The following RGS6 variants were observed in gnomAD, a reference collection of about 807,000 sequenced individuals.
The protein encoded by RGS6 is regulator of G-protein signaling 6.
A neutral mutation model predicts 78.5 loss-of-function variants in RGS6; 30 were observed. The observed-to-expected ratio is 0.38, with a 90% CI of 0.29 to 0.52. The LOEUF is 0.52. RGS6 is among the 20% of genes least tolerant of loss of function. The pLI, the probability that RGS6 is intolerant of heterozygous loss-of-function variation, is 0.85. For synonymous variants in RGS6, 206 were observed against 206.0 expected (o/e 1.00, Z 0.00); for missense variants, 495 against 609.7 (o/e 0.81, Z 1.98).
intron 2 of RGS6, among the ~76,000 whole-genome samples, chr14:72,294,993 TCAG>T (rs1366449816): frequency 6.6e-6 from 1 of 152,146 alleles, no homozygotes; most frequent in Admixed American, 6.5e-5. Flanking sequence ...CATTTTAACA[TCAG>T]AACCCTTTGT....
chr14:72,130,354 GA>G (rs1447136458), intron 2 of RGS6, among the ~76,000 whole-genome samples: 1 of 152,098 alleles, frequency 6.6e-6, no homozygotes, highest in Non-Finnish European at 1.5e-5. Flanking sequence ...CATGATTGAG[GA>G]AATAATTGGC....
At chr14:72,330,981 T>C (rs560125393) in intron 2 of RGS6, among the ~76,000 whole-genome samples, 7 of 152,328 alleles carry the variant, frequency 4.6e-5, no homozygotes, top group African/African-American at 1.4e-4. Context: ...AATCAGTTCC[T>C]CATTGACAAC....
intron 2 of RGS6, among the ~76,000 whole-genome samples, chr14:72,040,638 T>G (rs2092312682): frequency 6.6e-6 from 1 of 152,186 alleles, no homozygotes; most frequent in Admixed American, 6.6e-5. Context: ...TTTCTTGAAT[T>G]TAGATGTTCT....
At chr14:72,232,335 A>G (rs1039200105) in intron 2 of RGS6, among the ~76,000 whole-genome samples, 1 of 152,214 alleles carries the variant, frequency 6.6e-6, no homozygotes, top group Non-Finnish European at 1.5e-5. Flanking sequence ...GGTGGAGGAA[A>G]GCAGCAACGG....
At chr14:72,191,995 C>G (rs2097332222) in intron 2 of RGS6, among the ~76,000 whole-genome samples, 1 of 152,120 alleles carries the variant, frequency 6.6e-6, no homozygotes, top group Non-Finnish European at 1.5e-5. Flanking sequence ...TAGTGTTTGT[C>G]CTTAGAATAC....
chr14:71,938,034 G>T (rs1321029650), intron 1 of RGS6, among the ~76,000 whole-genome samples: 1 of 152,200 alleles, frequency 6.6e-6, no homozygotes, highest in Non-Finnish European at 1.5e-5. Context: ...TGGCCACTTT[G>T]TTCATGGGCC....
intron 2 of RGS6, among the ~76,000 whole-genome samples, chr14:72,336,388 G>A (rs896360525): frequency 2.0e-5 from 3 of 152,196 alleles, no homozygotes; most frequent in Non-Finnish European, 4.4e-5. Flanking sequence ...CTTTCAGAAA[G>A]CTAAGCTTTG....
chr14:72,396,206 CTT>C (rs2091222310), intron 3 of RGS6, among the ~76,000 whole-genome samples: 1 of 152,162 alleles, frequency 6.6e-6, no homozygotes, highest in African/African-American at 2.4e-5. Flanking sequence ...TGTTTCCTGA[CTT>C]TTTAATGATT....
chr14:72,080,581 A>G (rs1178947090), intron 2 of RGS6, among the ~76,000 whole-genome samples: 1 of 152,064 alleles, frequency 6.6e-6, no homozygotes, highest in Non-Finnish European at 1.5e-5. Flanking sequence ...ACCTGATCAA[A>G]AAATTATTGC....
chr14:72,540,599 C>A (rs956343210), intron 17 of RGS6: 2 of 1,489,150 alleles, frequency 1.3e-6, no homozygotes, highest in Admixed American at 1.8e-5. Flanking sequence ...GTGCAGAAAG[C>A]GGCCGTGCTG....
Position 72,419,295 on chromosome 14 carries a change from G to T in RGS6, c.185-35233G>T, listed in dbSNP as rs79866945. On this transcript the variant is annotated intron_variant, in intron 3 of 17. Coordinates refer to ENST00000553525, the MANE Select transcript of RGS6 (RefSeq NM_001204424.2). ...TTACAAGTATTCGCTCATTTTATCT[G>T]CACGGCAGCTGTATGAAGAGAATAC... Among the ~76,000 whole-genome samples the T allele has an allele frequency of 4.6e-3, 697 of 152,306 alleles. 21 individuals are homozygous for T. In the East Asian group the frequency reaches 0.089, roughly 19 times the overall value.
chr14:72,471,587 A>T (rs1175576114), intron 8 of RGS6, among the ~76,000 whole-genome samples: 1 of 152,022 alleles, frequency 6.6e-6, no homozygotes, highest in East Asian at 1.9e-4. Flanking sequence ...GTGTAGACTC[A>T]TCACAGCTAT....
chr14:72,049,273 A>G lies in RGS6; in HGVS notation c.84+84398A>G, dbSNP rs546485275. Among the ~76,000 whole-genome samples the G allele has an allele frequency of 5.3e-5, 8 of 152,328 alleles. 1 individual carries two copies. Among genetic ancestry groups the G allele is most frequent in the African/African-American group, 1.9e-4 (8 of 41,586 alleles). On this transcript the variant is annotated intron_variant, in intron 2 of 17. Coordinates refer to ENST00000553525, the MANE Select transcript of RGS6 (RefSeq NM_001204424.2). Reference sequence around the variant, plus strand: ...AGCAGGAGGAATATGGGAGTAGGAAATGGCAAGTTGAAGGATTTTAATTTG... The same window carrying G: ...AGCAGGAGGAATATGGGAGTAGGAAGTGGCAAGTTGAAGGATTTTAATTTG...
At chr14:72,364,914 C>T (rs1055238083) in intron 3 of RGS6, among the ~76,000 whole-genome samples, 9 of 152,282 alleles carry the variant, frequency 5.9e-5, no homozygotes, top group African/African-American at 1.9e-4. Flanking sequence ...TGCTTGTCAC[C>T]ACTTTCTCAG....
chr14:71,984,083 C>A (rs2094577747), intron 2 of RGS6, among the ~76,000 whole-genome samples: 1 of 152,218 alleles, frequency 6.6e-6, no homozygotes, highest in African/African-American at 2.4e-5. Flanking sequence ...GGCCACCTAC[C>A]ATTTACCAGA....
At chr14:72,458,460 A>T in intron 5 of RGS6, 83 bp downstream of exon 5, 1 of 1,114,006 alleles carries the variant, frequency 9.0e-7, no homozygotes, top group Non-Finnish European at 1.3e-6. Flanking sequence ...AAGAAAACCT[A>T]GGGATATCTG....
At chr14:72,599,588 T>G in the RGS6 span, among the ~76,000 whole-genome samples, 1 of 145,312 alleles carries the variant, frequency 6.9e-6, no homozygotes, top group Non-Finnish European at 1.5e-5. Flanking sequence ...TTTTTTTTTT[T>G]TTTTTTTTTG....
chr14:71,880,578 G>T, the RGS6 span, among the ~76,000 whole-genome samples: 1 of 152,230 alleles, frequency 6.6e-6, no homozygotes. Context: ...AGCTGAGACT[G>T]TGGCTTCAGG....
chr14:72,157,144 T>G (rs1021057875), intron 2 of RGS6, among the ~76,000 whole-genome samples: 1 of 152,196 alleles, frequency 6.6e-6, no homozygotes, highest in Non-Finnish European at 1.5e-5. Flanking sequence ...GTGATGTCTC[T>G]AAAGAACTCT....
Sources: gnomAD v4.1 joint callset for allele counts (sites outside exome capture counted in the v4.1 genomes callset) on GRCh38, gnomAD v4.1.1 for gene constraint, MANE v1.5 for transcripts, NCBI Gene and HGNC (gene_info 2026-07-23, HGNC 2026-07-21) for gene names.